Variants in DPYD observed in about 807,000 individuals in gnomAD.
The protein encoded by DPYD is dihydropyrimidine dehydrogenase [NADP(+)].
Under a neutral mutation model 116.2 loss-of-function variants are expected in DPYD, and 109 were observed. The ratio of observed to expected loss-of-function variants is 0.94; its 90% CI spans 0.80 to 1.10. The LOEUF is 1.10. Ranked by LOEUF, DPYD falls within the 50% of genes least tolerant of loss-of-function variation. DPYD has a pLI of 0.00. For synonymous variants in DPYD, 440 were observed against 432.0 expected, an observed-to-expected ratio of 1.02 and a Z score of -0.23; for missense variants, 1,302 against 1,254.5, an observed-to-expected ratio of 1.04 and a Z score of -0.57.
At chr1:97,124,085 T>C (rs770299433) in intron 20 of DPYD, among the ~76,000 whole-genome samples, 1 of 152,114 alleles carries the variant, frequency 6.6e-6, no homozygotes, top group African/African-American at 2.4e-5. Flanking sequence ...CACTCTCAAT[T>C]TTTGCGTGAA....
Position 97,645,489 on chromosome 1 carries a change from G to T in DPYD, c.850+33606C>A, listed in dbSNP as rs576343006. On this transcript the variant is annotated intron_variant, in intron 8 of 22. Transcript: ENST00000370192. Reference sequence around the variant, plus strand: ...TCCCAGTTATATCAATGCCATGTAAGAAATAACTTGTCTTTTCTACACTGA... The same window carrying T: ...TCCCAGTTATATCAATGCCATGTAATAAATAACTTGTCTTTTCTACACTGA... Among the ~76,000 whole-genome samples the T allele has an allele frequency of 7.2e-5, 11 of 152,154 alleles. No homozygotes were observed. In the South Asian group the frequency reaches 1.0e-3, roughly 14 times the overall value.
chr1:97,683,862 CG>C (rs1408823032), intron 7 of DPYD, among the ~76,000 whole-genome samples: 2 of 151,426 alleles, frequency 1.3e-5, no homozygotes, highest in Non-Finnish European at 2.9e-5. Context: ...GTTGTCTACA[CG>C]GGGGAAAAAA....
intron 3 of DPYD, among the ~76,000 whole-genome samples, chr1:97,793,636 T>G (rs1243920927): frequency 6.6e-6 from 1 of 151,956 alleles, no homozygotes; most frequent in Non-Finnish European, 1.5e-5. Context: ...AACAATTGGA[T>G]GCCCATATGA....
intron 19 of DPYD, among the ~76,000 whole-genome samples, chr1:97,207,109 A>G (rs1488799829): frequency 1.3e-5 from 2 of 152,126 alleles, no homozygotes; most frequent in Non-Finnish European, 2.9e-5. Context: ...TGCCTGGCAT[A>G]TGACTTATTC....
At chr1:97,913,125 C>T (rs1674045998) in intron 1 of DPYD, among the ~76,000 whole-genome samples, 1 of 152,146 alleles carries the variant, frequency 6.6e-6, no homozygotes, top group East Asian at 1.9e-4. Context: ...ACACAGAACT[C>T]CAGCCATATA....
intron 3 of DPYD, among the ~76,000 whole-genome samples, chr1:97,759,907 T>C (rs189061410): frequency 1.3e-5 from 2 of 152,234 alleles, no homozygotes; most frequent in African/African-American, 2.4e-5. Context: ...TAAATATCCA[T>C]TTATGGATAT....
intron 1 of DPYD, among the ~76,000 whole-genome samples, chr1:97,885,474 A>C (rs558159797): frequency 2.6e-5 from 4 of 152,228 alleles, no homozygotes; most frequent in African/African-American, 7.2e-5. Context: ...AAAAATCATA[A>C]ATGACTTTCT....
chr1:97,132,872 T>A (rs756365225), intron 20 of DPYD, among the ~76,000 whole-genome samples: 7 of 152,098 alleles, frequency 4.6e-5, no homozygotes, highest in Admixed American at 1.3e-4. Flanking sequence ...TCAAATACTT[T>A]AAAGAATTTC....
At chr1:97,250,491 T>C (rs902552953) in intron 18 of DPYD, among the ~76,000 whole-genome samples, 4 of 152,104 alleles carry the variant, frequency 2.6e-5, no homozygotes, top group African/African-American at 9.7e-5. Flanking sequence ...AACTGAAATA[T>C]CCATCAATTG....
intron 16 of DPYD, among the ~76,000 whole-genome samples, chr1:97,323,870 G>T (rs1668567151): frequency 6.6e-6 from 1 of 151,598 alleles, no homozygotes; most frequent in African/African-American, 2.4e-5. Context: ...GCATTGGTAG[G>T]ACACAGGAAC....
intron 2 of DPYD, among the ~76,000 whole-genome samples, chr1:97,858,672 T>G (rs1368649848): frequency 6.6e-6 from 1 of 151,984 alleles, no homozygotes; most frequent in Non-Finnish European, 1.5e-5. Flanking sequence ...TACTAATATA[T>G]TTACCAAAAT....
intron 22 of DPYD, among the ~76,000 whole-genome samples, chr1:97,080,625 T>A (rs1405377663): frequency 6.6e-6 from 1 of 152,110 alleles, no homozygotes; most frequent in African/African-American, 2.4e-5. Context: ...TAAGGTGCTG[T>A]TTGGATGAGT....
At chr1:97,323,352 A>ATATGTACACGTATGTATACATATGTG (rs1668448853) in intron 16 of DPYD, among the ~76,000 whole-genome samples, 1 of 118,050 alleles carries the variant, frequency 8.5e-6, no homozygotes, top group African/African-American at 3.2e-5. Flanking sequence ...ATACATGTGT[A>ATATGTACACGTATGTATACATATGTG]TATGTACACG....
intron 8 of DPYD, among the ~76,000 whole-genome samples, chr1:97,646,231 A>G (rs536854623): frequency 1.3e-5 from 2 of 152,154 alleles, no homozygotes; most frequent in East Asian, 3.9e-4. Flanking sequence ...AAGTACTCCA[A>G]TTATGCATAT....
chr1:97,147,807 G>C (rs1368127793), intron 20 of DPYD, among the ~76,000 whole-genome samples: 1 of 152,142 alleles, frequency 6.6e-6, no homozygotes, highest in Non-Finnish European at 1.5e-5. Flanking sequence ...AGTGATTGTG[G>C]AGCGAGTAAT....
intron 8 of DPYD, among the ~76,000 whole-genome samples, chr1:97,664,588 C>G (rs1309953011): frequency 6.6e-6 from 1 of 151,790 alleles, no homozygotes; most frequent in Non-Finnish European, 1.5e-5. Context: ...AACTATAAGT[C>G]AAAAGTTTTC....
At chr1:97,819,940 A>G (rs1347538771) in intron 3 of DPYD, among the ~76,000 whole-genome samples, 1 of 152,124 alleles carries the variant, frequency 6.6e-6, no homozygotes, top group East Asian at 1.9e-4. Flanking sequence ...CACATATAGA[A>G]ATATGCATAC....
At chr1:97,362,875 A>G (rs962624183) in intron 16 of DPYD, among the ~76,000 whole-genome samples, 2 of 152,062 alleles carry the variant, frequency 1.3e-5, no homozygotes, top group African/African-American at 4.8e-5. Context: ...GGCAATACCA[A>G]TCAGGACACA....
intron 14 of DPYD, among the ~76,000 whole-genome samples, chr1:97,392,320 T>C (rs1672749463): frequency 6.6e-6 from 1 of 152,152 alleles, no homozygotes; most frequent in East Asian, 1.9e-4. Context: ...TGGTTATTAC[T>C]GAAAGCTGTA....
Sources: allele counts gnomAD v4.1 joint callset (sites outside exome capture counted in the v4.1 genomes callset), GRCh38; gene constraint gnomAD v4.1.1; transcripts MANE v1.5; gene names NCBI Gene and HGNC (gene_info 2026-07-23, HGNC 2026-07-21).